FBXO9: variants seen among roughly 807,000 people sequenced by gnomAD.
FBXO9 encodes the protein F-box only protein 9.
FBXO9 carries 43 observed loss-of-function variants against 63.7 expected under a neutral mutation model. The ratio of observed to expected loss-of-function variants is 0.67; its 90% CI spans 0.53 to 0.87. The LOEUF (loss-of-function observed/expected upper bound fraction) is 0.87. Among genes scored for constraint, FBXO9 ranks in the 40% least tolerant of loss-of-function variants. FBXO9 has a pLI of 0.00. For missense variants in FBXO9, 442 were observed against 533.2 expected, an observed-to-expected ratio of 0.83 and a Z score of 1.68; for synonymous variants, 156 against 171.7, an observed-to-expected ratio of 0.91 and a Z score of 0.72.
chr6:53,076,828 A>G (rs1357937926), intron 4 of FBXO9, among the ~76,000 whole-genome samples: 1 of 151,404 alleles, frequency 6.6e-6, no homozygotes, highest in Non-Finnish European at 1.5e-5. Context: ...AATATTTTTG[A>G]TCTGTAGTTG....
At chr6:53,075,616 C>G (rs9474381) in intron 3 of FBXO9, among the ~76,000 whole-genome samples, 12,144 of 150,040 alleles carry the variant, frequency 0.081, 1,258 homozygotes, top group African/African-American at 0.24. Context: ...TTGCATTTCT[C>G]TAATGGCTTG....
At position 53,097,851 on chromosome 6, in the gene FBXO9, A is replaced by G. The variant is rs764608408; in HGVS notation, c.*21A>G. 81 of 1,488,356 alleles carry G rather than the reference A, an allele frequency of 5.4e-5. No homozygotes were observed. Among genetic ancestry groups the G allele is most frequent in the Non-Finnish European group, 7.3e-5 (79 of 1,089,256 alleles). The allele number at this position is 1,488,356 out of a possible 1,614,324, so 92.2% of individuals were successfully genotyped here. ...TGTAGAGCCTCAAGTCCAGTCCTCT[A>G]TCACTTTTGCATGAATTAAAGTATA... On this transcript the variant is annotated 3_prime_UTR_variant, in exon 13 of 13. Transcript: ENST00000323557.
intron 1 of FBXO9, chr6:53,066,050 A>G (rs899050091): frequency 2.5e-6 from 3 of 1,223,420 alleles, no homozygotes; most frequent in Non-Finnish European, 3.1e-6. Flanking sequence ...GAGGGTTTGC[A>G]GGACAGCCGG....
At position 53,095,617 on chromosome 6, in the gene FBXO9, G is replaced by T; in HGVS notation, c.1158G>T (p.Arg386Ser). The change falls in exon 12 of 13, where the codon AGG (arginine) becomes AGT (serine). Residue 386 changes from arginine to serine, a missense_variant. Arg to Ser is a moderately radical substitution (Grantham distance 110, BLOSUM62 -1). This residue lies in a region of FBXO9 where 262 missense variants were observed against 362.1 expected (regional missense o/e 0.72). Transcript: ENST00000323557. Reference protein sequence around the residue: ...GLQLCSSGHQRFNKLIWIHHS... With the variant: ...GLQLCSSGHQSFNKLIWIHHS... ...AGCTATGTTCCAGTGGTCACCAGAG[G>T]TTCAACAAACTCATCTGGATACATC... 6.2e-7 allele frequency: 1 copy of T among 1,613,424 alleles called. No homozygotes were observed. The highest frequency in any genetic ancestry group is 8.5e-7 in the Non-Finnish European group (1 of 1,179,650).
Position 53,092,513 on chromosome 6 carries a change from G to A in FBXO9, c.738G>A (p.Glu246=). The part of the protein sequence containing the change: ...IKLVPYTSWR[E]MFLERPRVRF... ...TTGTTCCGTACACGTCCTGGAGAGA[G>A]ATGTTTTTAGAACGGCCTCGTGTTC... Residue 246 remains glutamate (E), a synonymous_variant, in exon 8 of 13, where the codon GAG becomes GAA. Coordinates refer to ENST00000323557, the MANE Select transcript of FBXO9 (RefSeq NM_033480.3). 3 of 1,613,968 alleles carry A rather than the reference G, an allele frequency of 1.9e-6. No individual in the cohort carries two copies. The African/African-American group carries it at 4.0e-5, about 22-fold the overall frequency.
chr6:53,080,165 T>C (rs911634473), intron 5 of FBXO9, among the ~76,000 whole-genome samples: 1 of 152,036 alleles, frequency 6.6e-6, no homozygotes, highest in Non-Finnish European at 1.5e-5. Context: ...CTTTTTTTTT[T>C]AAATAAGATC....
At chr6:53,072,689 CT>C (rs1768963692) in intron 2 of FBXO9, among the ~76,000 whole-genome samples, 1 of 151,990 alleles carries the variant, frequency 6.6e-6, no homozygotes, top group South Asian at 2.1e-4. Context: ...ACACCAGAGT[CT>C]ACCTTATAGG....
At chr6:53,079,992 T>G (rs1769251911) in intron 5 of FBXO9, among the ~76,000 whole-genome samples, 1 of 152,188 alleles carries the variant, frequency 6.6e-6, no homozygotes, top group South Asian at 2.1e-4. Flanking sequence ...CTAAACCTTC[T>G]TTAAATTTGG....
chr6:53,068,861 C>A, intron 1 of FBXO9, among the ~76,000 whole-genome samples: 1 of 151,964 alleles, frequency 6.6e-6, no homozygotes. Context: ...TGTTGCCCAG[C>A]CTTGTCTCAA....
chr6:53,085,849 A>G (rs949600108), intron 7 of FBXO9, among the ~76,000 whole-genome samples: 1 of 152,172 alleles, frequency 6.6e-6, no homozygotes, highest in African/African-American at 2.4e-5. Flanking sequence ...CAGGAGCCCA[A>G]CTAGAAAATC....
At chr6:53,088,049 G>A (rs1011513555) in intron 7 of FBXO9, among the ~76,000 whole-genome samples, 12 of 152,030 alleles carry the variant, frequency 7.9e-5, no homozygotes, top group Non-Finnish European at 1.8e-4. Flanking sequence ...TACCATACAA[G>A]ATTCTTTTTT....
chr6:53,075,702 T>C (rs2127489980), intron 3 of FBXO9, among the ~76,000 whole-genome samples: 1 of 149,148 alleles, frequency 6.7e-6, no homozygotes, highest in East Asian at 1.9e-4. Context: ...TCTGTTGATG[T>C]CTTTTCTAAT....
rs1763133759 is a variant in FBXO9, at chr6:53,094,088, T to C, written c.1053+110T>C. On this transcript the variant is annotated intron_variant, in intron 11 of 12. Transcript: ENST00000323557. ...AAACCCTTTCTGATTATTTATACTG[T>C]TATATAAAATGTATATTAACTTCTA... 5 of 502,410 alleles carry C rather than the reference T, an allele frequency of 1.0e-5. No individual in the cohort carries two copies. In the East Asian group the frequency reaches 1.7e-4, roughly 17 times the overall value. The allele number at this position is 502,410 out of a possible 1,614,324, so 31.1% of individuals were successfully genotyped here. A position where few individuals can be genotyped will look rare whatever the true frequency, so the allele number is the denominator to read the frequency against.
intron 7 of FBXO9, 67 bp downstream of exon 7, chr6:53,082,685 C>A: frequency 1.8e-6 from 2 of 1,112,618 alleles, no homozygotes; most frequent in Non-Finnish European, 1.3e-6. Context: ...TGGTCCTTTG[C>A]CAATCCTGAT....
At chr6:53,066,077 C>T (rs1026085016) in intron 1 of FBXO9, 7 of 1,209,780 alleles carry the variant, frequency 5.8e-6, no homozygotes, top group South Asian at 4.2e-5. Context: ...TGTCCCTTCT[C>T]GGCTCACTGA....
intron 7 of FBXO9, among the ~76,000 whole-genome samples, chr6:53,087,870 A>G (rs956254293): frequency 4.6e-5 from 7 of 152,222 alleles, no homozygotes; most frequent in Non-Finnish European, 5.9e-5. Flanking sequence ...GCAAAGCTCA[A>G]TCTTTAGAAA....
At chr6:53,078,752 A>G (rs1418635355) in intron 4 of FBXO9, 47 bp from the exon 5 acceptor site, 2 of 1,415,236 alleles carry the variant, frequency 1.4e-6, no homozygotes, top group Non-Finnish European at 2.0e-6. Context: ...AAAGGAAATG[A>G]CAAAAATGTG....
rs1581806095 is a variant in FBXO9, at chr6:53,070,985, T to C, written c.4-72T>C. The C allele has an allele frequency of 3.2e-6, 5 of 1,543,616 alleles. No individual in the cohort carries two copies. The East Asian group carries it at 1.2e-4, about 38-fold the overall frequency. ...TGGTACTAAATAGAAAGTGGCTGAATGAGAAATGTAGATTGCAGAGGGCAA... is the reference window on the plus strand; with the variant it reads ...TGGTACTAAATAGAAAGTGGCTGAACGAGAAATGTAGATTGCAGAGGGCAA... On this transcript the variant is annotated intron_variant, in intron 1 of 12. Transcript: ENST00000323557.
At chr6:53,073,670 A>AT (rs5876299) in intron 3 of FBXO9, 31 bp downstream of exon 3, 1,178 of 1,080,670 alleles carry the variant, frequency 1.1e-3, no homozygotes, top group Non-Finnish European at 1.3e-3. Context: ...AACAAATTAC[A>AT]TTTTTTTTTT....
Sources: gnomAD v4.1 joint callset for allele counts (sites outside exome capture counted in the v4.1 genomes callset) on GRCh38, gnomAD v4.1.1 for gene constraint, gnomAD v4.1.1 regional missense constraint, MANE v1.5 for transcripts, NCBI Gene and HGNC (gene_info 2026-07-23, HGNC 2026-07-21) for gene names.